Variants in JAZF1 observed in about 807,000 individuals in gnomAD.
JAZF1 encodes the protein JAZF zinc finger 1.
Under a neutral mutation model 26.4 loss-of-function variants are expected in JAZF1, and 8 were observed. The ratio of observed to expected loss-of-function variants is 0.30; its 90% CI spans 0.18 to 0.55. JAZF1 has a LOEUF of 0.55. JAZF1 is among the 20% of genes least tolerant of loss of function. JAZF1 has a pLI of 0.94. For synonymous variants in JAZF1, 126 were observed against 122.3 expected, an observed-to-expected ratio of 1.03 and a Z score of -0.20; for missense variants, 199 against 322.0, an observed-to-expected ratio of 0.62 and a Z score of 2.92.
At chr7:28,035,746 T>C (rs767918504) in intron 1 of JAZF1, among the ~76,000 whole-genome samples, 13 of 152,184 alleles carry the variant, frequency 8.5e-5, no homozygotes, top group Non-Finnish European at 1.5e-4. Context: ...CCAGAAAATA[T>C]ACACCCGATT....
intron 2 of JAZF1, among the ~76,000 whole-genome samples, chr7:27,939,997 T>C (rs1282514728): frequency 6.6e-6 from 1 of 152,150 alleles, no homozygotes; most frequent in Non-Finnish European, 1.5e-5. Context: ...TTCTGAGGAC[T>C]GAGGCAGGCA....
intron 2 of JAZF1, among the ~76,000 whole-genome samples, chr7:27,941,781 G>A (rs1488974810): frequency 6.6e-6 from 1 of 152,168 alleles, no homozygotes; most frequent in Non-Finnish European, 1.5e-5. Context: ...ATCAGACACA[G>A]CTAATTATGA....
At chr7:28,150,139 T>A (rs1562604099) in intron 1 of JAZF1, among the ~76,000 whole-genome samples, 2 of 152,150 alleles carry the variant, frequency 1.3e-5, no homozygotes, top group East Asian at 1.9e-4. Context: ...GAGGACAGGA[T>A]CATCTTGCCC....
intron 1 of JAZF1, among the ~76,000 whole-genome samples, chr7:27,994,463 A>C (rs112690234): frequency 4.2e-4 from 12 of 28,540 alleles, no homozygotes; most frequent in African/African-American, 1.3e-3. Flanking sequence ...AACAAAAAAC[A>C]AAAAAAAACA....
At chr7:28,039,108 T>C (rs1234614705) in intron 1 of JAZF1, among the ~76,000 whole-genome samples, 7 of 152,336 alleles carry the variant, frequency 4.6e-5, no homozygotes, top group Non-Finnish European at 8.8e-5. Flanking sequence ...ATGATTGCTC[T>C]GCATATGGAA....
chr7:27,852,029 T>C (rs951419838), intron 3 of JAZF1, among the ~76,000 whole-genome samples: 4 of 151,264 alleles, frequency 2.6e-5, no homozygotes, highest in African/African-American at 9.8e-5. Context: ...TGATGCTTGG[T>C]CAGTATGCAG....
chr7:27,831,244 CAG>C lies in JAZF1; in HGVS notation c.*1554_*1555del. 4.4e-6 allele frequency: 1 copy of C among 225,062 alleles called. No homozygotes were observed. The highest frequency in any genetic ancestry group is 2.2e-5 in the African/African-American group (1 of 45,026). The allele number at this position is 225,062 out of a possible 1,614,324, so 13.9% of individuals were successfully genotyped here. The stretch of plus-strand genomic sequence containing the variant: ...TATAGAGGTTTACTCATCTAACAAA[CAG>C]AACTGTCATCCTTTCAAAATGTCTG... On this transcript the variant is annotated 3_prime_UTR_variant, in exon 5 of 5. Coordinates refer to ENST00000283928, the MANE Select transcript of JAZF1 (RefSeq NM_175061.4).
At chr7:27,948,127 G>T (rs771247005) in intron 2 of JAZF1, among the ~76,000 whole-genome samples, 21 of 152,052 alleles carry the variant, frequency 1.4e-4, no homozygotes, top group Non-Finnish European at 2.8e-4. Flanking sequence ...ACTGATGTGG[G>T]GTAGCCAGCC....
intron 1 of JAZF1, among the ~76,000 whole-genome samples, chr7:28,130,193 C>T (rs1387103790): frequency 6.6e-6 from 1 of 152,038 alleles, no homozygotes; most frequent in African/African-American, 2.4e-5. Context: ...CCTCTGGATA[C>T]ATCTACAATA....
intron 2 of JAZF1, among the ~76,000 whole-genome samples, chr7:27,979,708 C>T (rs1025656313): frequency 1.3e-5 from 2 of 152,128 alleles, no homozygotes; most frequent in African/African-American, 4.8e-5. Flanking sequence ...TGCCTTTGCC[C>T]TGCAGCTCCC....
chr7:27,833,272 G>A (rs1446280138), intron 4 of JAZF1: 1 of 181,490 alleles, frequency 5.5e-6, no homozygotes, highest in African/African-American at 2.3e-5. Context: ...CTTACAGACT[G>A]TATAAAGAAA....
At chr7:28,162,546 T>G (rs747830247) in intron 1 of JAZF1, among the ~76,000 whole-genome samples, 36 of 152,342 alleles carry the variant, frequency 2.4e-4, no homozygotes, top group Non-Finnish European at 2.6e-4. Flanking sequence ...AGCTGAAACA[T>G]TTACAATACC....
Position 27,832,943 on chromosome 7 carries a change from C to T in JAZF1, c.589G>A (p.Gly197Ser). 1 of 1,609,470 alleles carries T rather than the reference C, an allele frequency of 6.2e-7. No individual in the cohort carries two copies. The highest frequency in any genetic ancestry group is 8.5e-7 in the Non-Finnish European group (1 of 1,178,086). The stretch of plus-strand genomic sequence containing the variant: ...CGGACACGAATCTGTGTTCTGTGAC[C>T]ATTCTTAGCGTGATACTTTATGCCA... The part of the protein sequence containing the change: ...VNGIKYHAKN[G>S]HRTQIRVRKP... The change falls in exon 5 of 5, where the codon GGT (glycine) becomes AGT (serine). Residue 197 changes from glycine to serine, a missense_variant. Physicochemically the swap from Gly to Ser is moderately conservative, Grantham distance 56. Around this residue, in one of 2 missense-constraint regions of JAZF1, gnomAD observed 62 missense variants for 137.2 expected, o/e 0.45. Transcript: ENST00000283928.
chr7:28,059,770 G>C (rs922811906), intron 1 of JAZF1, among the ~76,000 whole-genome samples: 2 of 152,106 alleles, frequency 1.3e-5, no homozygotes, highest in Non-Finnish European at 2.9e-5. Flanking sequence ...TTTTCTCTCT[G>C]TATTCTGAAG....
intron 3 of JAZF1, among the ~76,000 whole-genome samples, chr7:27,870,845 G>A (rs779440374): frequency 8.5e-5 from 13 of 152,142 alleles, no homozygotes; most frequent in Admixed American, 5.2e-4. Flanking sequence ...ACCAGCGCAC[G>A]CATCCAGTAC....
chr7:28,172,130 C>A (rs1392343354), intron 1 of JAZF1, among the ~76,000 whole-genome samples: 1 of 152,210 alleles, frequency 6.6e-6, no homozygotes, highest in Non-Finnish European at 1.5e-5. Context: ...GGGCTGTATA[C>A]TCTGATGAAT....
intron 1 of JAZF1, among the ~76,000 whole-genome samples, chr7:27,993,131 A>G (rs905897219): frequency 2.0e-5 from 3 of 152,222 alleles, no homozygotes; most frequent in African/African-American, 7.2e-5. Context: ...AAAATTAAGA[A>G]TCTCATGTTC....
At chr7:27,927,733 G>T (rs1469358605) in intron 2 of JAZF1, among the ~76,000 whole-genome samples, 1 of 152,010 alleles carries the variant, frequency 6.6e-6, no homozygotes, top group Non-Finnish European at 1.5e-5. Flanking sequence ...ACTATGAAGA[G>T]AAGTTACCAA....
intron 2 of JAZF1, among the ~76,000 whole-genome samples, chr7:27,959,330 TATACTG>T (rs1431624609): frequency 6.6e-6 from 1 of 152,240 alleles, no homozygotes; most frequent in Non-Finnish European, 1.5e-5. Flanking sequence ...AACTCCTCTT[TATACTG>T]CAAAGTCCAT....
Sources: allele counts gnomAD v4.1 joint callset (sites outside exome capture counted in the v4.1 genomes callset), GRCh38; gene constraint gnomAD v4.1.1; regional missense constraint gnomAD v4.1.1; transcripts MANE v1.5; gene names NCBI Gene and HGNC (gene_info 2026-07-23, HGNC 2026-07-21).